IFT122: variants seen among roughly 807,000 people sequenced by gnomAD.
The protein encoded by IFT122 is intraflagellar transport protein 122 homolog.
Under a neutral mutation model 161.6 loss-of-function variants are expected in IFT122, and 118 were observed. The ratio of observed to expected loss-of-function variants is 0.73; its 90% CI spans 0.63 to 0.85. The LOEUF is 0.85. Among genes scored for constraint, IFT122 ranks in the 40% least tolerant of loss-of-function variants. The pLI is 0.00. For synonymous variants in IFT122, 550 were observed against 602.4 expected, an observed-to-expected ratio of 0.91 and a Z score of 1.27; for missense variants, 1,381 against 1,579.6, an observed-to-expected ratio of 0.87 and a Z score of 2.13.
chr3:129,495,226 G>A lies in IFT122; in HGVS notation c.2047-220G>A, dbSNP rs181164193. 1.4e-3 allele frequency among the ~76,000 whole-genome samples: 211 copies of A among 152,322 alleles called. 2 individuals are homozygous for A. Among genetic ancestry groups the A allele is most frequent in the African/African-American group, 4.8e-3 (198 of 41,574 alleles). ...ATTTCCATTAAACAAACAAAGGTTT[G>A]CATCTTTTTTTGATCTTTGCTTGTC... On this transcript the variant is annotated intron_variant, in intron 17 of 29. Coordinates refer to ENST00000348417, the MANE Select transcript of IFT122 (RefSeq NM_052989.3).
At chr3:129,467,158 G>C (rs1023143142) in intron 8 of IFT122, 92 bp downstream of exon 8, 5 of 1,219,322 alleles carry the variant, frequency 4.1e-6, no homozygotes, top group Non-Finnish European at 4.7e-6. Context: ...TTTGGCCAAG[G>C]GAGTGCAGGG....
At chr3:129,461,359 A>G (rs2076198624) in intron 5 of IFT122, 55 bp downstream of exon 5, 1 of 1,219,108 alleles carries the variant, frequency 8.2e-7, no homozygotes, top group East Asian at 2.3e-5. Flanking sequence ...CTGGGCTAAA[A>G]ATGCTAAAAT....
intron 27 of IFT122, 110 bp downstream of exon 27, chr3:129,517,704 G>C (rs1450643972): frequency 1.9e-5 from 27 of 1,406,292 alleles, no homozygotes; most frequent in Non-Finnish European, 2.5e-5. Flanking sequence ...TGCTGAGCCT[G>C]GCCCTGTGTT....
chr3:129,505,280 C>T (rs190717415), intron 21 of IFT122, among the ~76,000 whole-genome samples: 1 of 152,288 alleles, frequency 6.6e-6, no homozygotes, highest in Admixed American at 6.5e-5. Flanking sequence ...CCTATTTAGC[C>T]TTCTAATGGA....
chr3:129,470,365 G>A (rs1055232751), intron 9 of IFT122, among the ~76,000 whole-genome samples: 2 of 152,000 alleles, frequency 1.3e-5, no homozygotes, highest in Non-Finnish European at 2.9e-5. Context: ...CTGGGTTCAC[G>A]CCATTCTCCT....
chr3:129,510,635 C>T (rs1175510486), intron 23 of IFT122, among the ~76,000 whole-genome samples: 1 of 152,192 alleles, frequency 6.6e-6, no homozygotes, highest in Non-Finnish European at 1.5e-5. Context: ...CTCGCTGCTC[C>T]CTGTCCTCTT....
chr3:129,473,415 T>A (rs1280483844), intron 9 of IFT122, among the ~76,000 whole-genome samples: 1 of 152,234 alleles, frequency 6.6e-6, no homozygotes, highest in Non-Finnish European at 1.5e-5. Flanking sequence ...AATTTTGAAT[T>A]GTACTCAATA....
chr3:129,460,678 C>T (rs1336832843), intron 4 of IFT122, among the ~76,000 whole-genome samples: 2 of 152,160 alleles, frequency 1.3e-5, no homozygotes, highest in Non-Finnish European at 2.9e-5. Context: ...ATGAATAATG[C>T]TGCTATGAAC....
At chr3:129,461,333 T>C (rs761551080) in intron 5 of IFT122, 29 bp downstream of exon 5, 1 of 1,533,308 alleles carries the variant, frequency 6.5e-7, no homozygotes, top group South Asian at 1.1e-5. Context: ...TGTCCTGTCC[T>C]GGAATAACTG....
chr3:129,476,072 T>G, intron 9 of IFT122: 1 of 539,086 alleles, frequency 1.9e-6, no homozygotes, highest in Non-Finnish European at 3.3e-6. Context: ...AGCACTTGGG[T>G]GGGACTAGGG....
At chr3:129,444,370 G>A (rs1243465727) in intron 1 of IFT122, among the ~76,000 whole-genome samples, 1 of 152,186 alleles carries the variant, frequency 6.6e-6, no homozygotes, top group Non-Finnish European at 1.5e-5. Context: ...AATCATCCTT[G>A]TTCCAGCTTC....
At position 129,464,767 on chromosome 3, in the gene IFT122, C is replaced by A. The variant is rs762505185; in HGVS notation, c.549C>A (p.Cys183Ter). Residue 183 changes from cysteine to a stop codon, truncating the protein, a stop_gained, in exon 7 of 30, where the codon TGC (cysteine) becomes TGA (stop). Coordinates refer to ENST00000348417, the MANE Select transcript of IFT122 (RefSeq NM_052989.3). LOFTEE classifies it high-confidence loss of function. ...CCCTCTCGCCAATATGGTCCATCTG[C>A]TGGAACCCTTCAAGGTACTCTTAAA... ...GGSLSPIWSI[C>*]WNPSSRWESF... 4.3e-6 allele frequency: 7 copies of A among 1,614,148 alleles called. No homozygotes were observed. The highest frequency in any genetic ancestry group is 5.1e-6 in the Non-Finnish European group (6 of 1,180,016).
At chr3:129,505,457 C>A (rs1445439638) in intron 21 of IFT122, among the ~76,000 whole-genome samples, 1 of 152,204 alleles carries the variant, frequency 6.6e-6, no homozygotes, top group Non-Finnish European at 1.5e-5. Flanking sequence ...TCCAGAGCAC[C>A]CAGTTGCTGA....
intron 5 of IFT122, among the ~76,000 whole-genome samples, chr3:129,462,697 C>G (rs538605599): frequency 6.6e-6 from 1 of 152,308 alleles, no homozygotes; most frequent in Admixed American, 6.5e-5. Flanking sequence ...TGCACTTGGC[C>G]ATGTATTTGT....
At chr3:129,490,867 C>T (rs2079998309) in intron 16 of IFT122, among the ~76,000 whole-genome samples, 1 of 152,236 alleles carries the variant, frequency 6.6e-6, no homozygotes, top group Non-Finnish European at 1.5e-5. Flanking sequence ...CTACGAATTC[C>T]TCTTCACAAA....
At chr3:129,484,829 T>A (rs577261551) in intron 15 of IFT122, among the ~76,000 whole-genome samples, 1 of 152,202 alleles carries the variant, frequency 6.6e-6, no homozygotes, top group South Asian at 2.1e-4. Context: ...TTGTAGGAAA[T>A]AATACAGAGA....
Position 129,464,653 on chromosome 3 carries a change from G to C in IFT122, c.435G>C (p.Gln145His). The change falls in exon 7 of 30, where the codon CAG (glutamine) becomes CAC (histidine). Residue 145 changes from glutamine (Q) to histidine (H), a missense_variant. Around this residue, in one of 7 missense-constraint regions of IFT122, gnomAD observed 544 missense variants for 648.0 expected, o/e 0.84. Transcript: ENST00000348417. ...IICCSWTNDG[Q>H]YLALGMFNGI... ...TACACAGCTGGACAAATGATGGTCA[G>C]TACCTGGCGCTGGGGATGTTCAATG... The C allele has an allele frequency of 6.2e-7, 1 of 1,613,808 alleles. No individual in the cohort carries two copies. The highest frequency in any genetic ancestry group is 8.5e-7 in the Non-Finnish European group (1 of 1,179,868).
At chr3:129,494,785 C>T (rs2080639929) in intron 17 of IFT122, among the ~76,000 whole-genome samples, 1 of 152,104 alleles carries the variant, frequency 6.6e-6, no homozygotes, top group Non-Finnish European at 1.5e-5. Flanking sequence ...AGAACTGCGT[C>T]CAAATTCCAG....
chr3:129,488,496 G>A lies in IFT122; in HGVS notation c.1992+99G>A, dbSNP rs539536928. 1.6e-5 allele frequency: 24 copies of A among 1,511,880 alleles called. No individual in the cohort carries two copies. The East Asian group carries it at 4.6e-4, about 29-fold the overall frequency. The allele number at this position is 1,511,880 out of a possible 1,614,324, so 93.7% of individuals were successfully genotyped here. A position where few individuals can be genotyped will look rare whatever the true frequency, so the allele number is the denominator to read the frequency against. Reference sequence around the variant, plus strand: ...TGGCACGGAGAGGCCATAGACTGCAGCAGTCTCTGGAGTTAGGCTGACCTG... The same window carrying A: ...TGGCACGGAGAGGCCATAGACTGCAACAGTCTCTGGAGTTAGGCTGACCTG... On this transcript the variant is annotated intron_variant, in intron 16 of 29. Transcript: ENST00000348417.
Sources: allele counts gnomAD v4.1 joint callset (sites outside exome capture counted in the v4.1 genomes callset), GRCh38; gene constraint gnomAD v4.1.1; regional missense constraint gnomAD v4.1.1; transcripts MANE v1.5; gene names NCBI Gene and HGNC (gene_info 2026-07-23, HGNC 2026-07-21).